Variants in GNG12 observed in about 807,000 individuals in gnomAD.
GNG12 encodes the protein guanine nucleotide-binding protein G(I)/G(S)/G(O) subunit gamma-12.
For missense variants in GNG12, 69 were observed against 83.8 expected (o/e 0.82, Z 0.69); for synonymous variants, 28 against 29.7 (o/e 0.94, Z 0.19).
At chr1:67,822,791 T>C (rs972103916) in intron 1 of GNG12, among the ~76,000 whole-genome samples, 8 of 152,196 alleles carry the variant, frequency 5.3e-5, no homozygotes, top group African/African-American at 1.7e-4. Context: ...TTCATAAGAC[T>C]GCCTCTTGTG....
intron 1 of GNG12, among the ~76,000 whole-genome samples, chr1:67,795,350 A>C (rs982737138): frequency 5.3e-5 from 8 of 152,114 alleles, no homozygotes; most frequent in African/African-American, 1.9e-4. Context: ...GCCCACCATG[A>C]TGATCTCTTT....
chr1:67,813,698 A>C (rs78883437), intron 1 of GNG12, among the ~76,000 whole-genome samples: 1 of 152,044 alleles, frequency 6.6e-6, no homozygotes, highest in African/African-American at 2.4e-5. Context: ...AATAAAAAAA[A>C]ATGAACCTCA....
At chr1:67,767,260 T>C (rs1170747713) in intron 2 of GNG12, among the ~76,000 whole-genome samples, 1 of 152,160 alleles carries the variant, frequency 6.6e-6, no homozygotes, top group Non-Finnish European at 1.5e-5. Context: ...TCTGGGTCTC[T>C]TCTTGGCCTC....
chr1:67,709,229 G>A (rs1220580049), intron 2 of GNG12, among the ~76,000 whole-genome samples: 1 of 152,202 alleles, frequency 6.6e-6, no homozygotes, highest in Non-Finnish European at 1.5e-5. Context: ...ATAGGACCAA[G>A]GCATTCCATG....
chr1:67,718,197 G>C (rs897189317), intron 2 of GNG12, among the ~76,000 whole-genome samples: 14 of 152,062 alleles, frequency 9.2e-5, no homozygotes, highest in African/African-American at 3.4e-4. Context: ...ACACAACACA[G>C]GTAAAACCCA....
At chr1:67,705,912 G>A (rs1050524820) in intron 3 of GNG12, among the ~76,000 whole-genome samples, 1 of 152,320 alleles carries the variant, frequency 6.6e-6, no homozygotes, top group South Asian at 2.1e-4. Context: ...ATCAGCGAAC[G>A]ATCACACCCG....
At chr1:67,820,610 T>G (rs1405424972) in intron 1 of GNG12, among the ~76,000 whole-genome samples, 1 of 152,198 alleles carries the variant, frequency 6.6e-6, no homozygotes, top group Non-Finnish European at 1.5e-5. Flanking sequence ...CAGAGGCTGT[T>G]GGACAGCAAA....
At chr1:67,715,959 T>C (rs1212758489) in intron 2 of GNG12, among the ~76,000 whole-genome samples, 1 of 152,184 alleles carries the variant, frequency 6.6e-6, no homozygotes, top group Non-Finnish European at 1.5e-5. Flanking sequence ...ATTCTTTCTC[T>C]TTCTCCCCAA....
At chr1:67,818,999 T>C (rs1646970371) in intron 1 of GNG12, among the ~76,000 whole-genome samples, 1 of 152,156 alleles carries the variant, frequency 6.6e-6, no homozygotes, top group Non-Finnish European at 1.5e-5. Context: ...CTATTGTCTA[T>C]GAGTTCAGGA....
At chr1:67,789,028 C>A (rs189962211) in intron 1 of GNG12, among the ~76,000 whole-genome samples, 1 of 152,318 alleles carries the variant, frequency 6.6e-6, no homozygotes, top group Admixed American at 6.5e-5. Flanking sequence ...GCAGCGGGAG[C>A]TCAGAGCTGA....
intron 1 of GNG12, among the ~76,000 whole-genome samples, chr1:67,778,735 G>C (rs1646720559): frequency 6.6e-6 from 1 of 152,132 alleles, no homozygotes; most frequent in Non-Finnish European, 1.5e-5. Context: ...TCAAATCTAA[G>C]TCGTTTGCCT....
At chr1:67,785,965 A>T (rs997459938) in intron 1 of GNG12, among the ~76,000 whole-genome samples, 1 of 152,162 alleles carries the variant, frequency 6.6e-6, no homozygotes, top group African/African-American at 2.4e-5. Context: ...CAAGTACTAA[A>T]GTCTTGGTCA....
At chr1:67,732,249 C>T (rs1473704300) in intron 2 of GNG12, among the ~76,000 whole-genome samples, 1 of 152,186 alleles carries the variant, frequency 6.6e-6, no homozygotes, top group Non-Finnish European at 1.5e-5. Context: ...TGTCCCACAT[C>T]CTATGTTCTC....
At chr1:67,797,460 G>A (rs1557621024) in intron 1 of GNG12, among the ~76,000 whole-genome samples, 1 of 152,124 alleles carries the variant, frequency 6.6e-6, no homozygotes, top group Non-Finnish European at 1.5e-5. Flanking sequence ...TGAACACTGA[G>A]ATTCAAAGTC....
chr1:67,710,392 C>T (rs564706061), intron 2 of GNG12, among the ~76,000 whole-genome samples: 32 of 150,710 alleles, frequency 2.1e-4, no homozygotes, highest in Non-Finnish European at 2.8e-4. Context: ...TCTAAATGTT[C>T]CCTTTGCATG....
chr1:67,728,404 C>T (rs1201281986), intron 2 of GNG12, among the ~76,000 whole-genome samples: 1 of 152,206 alleles, frequency 6.6e-6, no homozygotes, highest in African/African-American at 2.4e-5. Context: ...TGGGTCTCAG[C>T]TTCCTCGTCC....
At chr1:67,740,569 GA>G (rs1171645864) in intron 2 of GNG12, among the ~76,000 whole-genome samples, 1 of 152,226 alleles carries the variant, frequency 6.6e-6, no homozygotes, top group African/African-American at 2.4e-5. Flanking sequence ...CTGGAGTAAG[GA>G]AAGATCATGC....
chr1:67,747,475 G>C (rs1646514250), intron 2 of GNG12, among the ~76,000 whole-genome samples: 1 of 152,196 alleles, frequency 6.6e-6, no homozygotes, highest in Non-Finnish European at 1.5e-5. Flanking sequence ...TTTGGAGTAA[G>C]AGTTTTAAAG....
rs756868448 is a variant in GNG12, at chr1:67,797,491, T to C, written c.-76-19984A>G. Among the ~76,000 whole-genome samples, 15 of 152,168 alleles carry C rather than the reference T, an allele frequency of 9.9e-5. No homozygotes were observed. In the South Asian group the frequency reaches 1.2e-3, roughly 13 times the overall value. ...AAGTCAGGCAGCACAAAACCATAAA[T>C]TAAATCACCTGTGAAAGCCAAACAA... On this transcript the variant is annotated intron_variant, in intron 1 of 3. Coordinates refer to ENST00000370982, the MANE Select transcript of GNG12 (RefSeq NM_018841.6).
Sources: allele counts gnomAD v4.1 joint callset (sites outside exome capture counted in the v4.1 genomes callset), GRCh38; gene constraint gnomAD v4.1.1; transcripts MANE v1.5; gene names NCBI Gene and HGNC (gene_info 2026-07-23, HGNC 2026-07-21).